TEKTL1: variants seen among roughly 807,000 people sequenced by gnomAD.
TEKTL1 encodes the protein tektin like 1, also known as tektin-like protein 1.
the TEKTL1 span, among the ~76,000 whole-genome samples, chr19:15,012,296 G>A: frequency 6.6e-6 from 1 of 151,824 alleles, no homozygotes; most frequent in East Asian, 1.9e-4. Flanking sequence ...AAGTTTGGTA[G>A]TTTGTGCTTG....
chr19:15,021,032 A>G, the TEKTL1 span, among the ~76,000 whole-genome samples: 1 of 151,666 alleles, frequency 6.6e-6, no homozygotes, highest in Non-Finnish European at 1.5e-5. Flanking sequence ...GGCGCCCACC[A>G]CCACGCCCGG....
the TEKTL1 span, among the ~76,000 whole-genome samples, chr19:15,018,421 T>A: frequency 6.6e-6 from 1 of 151,900 alleles, no homozygotes; most frequent in East Asian, 2.0e-4. Flanking sequence ...TTTAAGACAT[T>A]TCTCTAGCTG....
chr19:15,016,957 A>C, the TEKTL1 span, among the ~76,000 whole-genome samples: 2 of 152,206 alleles, frequency 1.3e-5, no homozygotes, highest in Admixed American at 1.3e-4. Flanking sequence ...CTGTTATCCC[A>C]GCACTTTGGG....
At chr19:15,022,713 C>A in the TEKTL1 span, among the ~76,000 whole-genome samples, 6 of 104,478 alleles carry the variant, frequency 5.7e-5, no homozygotes, top group Admixed American at 4.4e-4. Context: ...CTCAGCCTGC[C>A]CTGTCGCGGT....
chr19:15,020,328 G>T, the TEKTL1 span: 1 of 733,708 alleles, frequency 1.4e-6, no homozygotes, highest in Non-Finnish European at 2.2e-6. Flanking sequence ...AAAAATGAGA[G>T]TGTCAGTTTC....
chr19:15,017,020 A>G, the TEKTL1 span, among the ~76,000 whole-genome samples: 1 of 152,162 alleles, frequency 6.6e-6, no homozygotes, highest in Non-Finnish European at 1.5e-5. Context: ...CAGGAATTTG[A>G]GGCCAGCTTG....
At chr19:15,011,133 C>T in the TEKTL1 span, 1 of 1,528,708 alleles carries the variant, frequency 6.5e-7, no homozygotes, top group Non-Finnish European at 8.8e-7. Flanking sequence ...ATGAAGCCGC[C>T]CGCCTGGTAC....
chr19:15,020,789 C>T, the TEKTL1 span: 1 of 747,316 alleles, frequency 1.3e-6, no homozygotes, highest in Non-Finnish European at 2.2e-6. Context: ...GACTGAAAGC[C>T]TATCATGCTG....
the TEKTL1 span, among the ~76,000 whole-genome samples, chr19:15,012,390 C>T: frequency 1.3e-5 from 2 of 151,950 alleles, no homozygotes; most frequent in Non-Finnish European, 2.9e-5. Context: ...ACAGCAAGAC[C>T]CTCTCTGCAC....
At chr19:15,014,786 A>G in the TEKTL1 span, among the ~76,000 whole-genome samples, 1 of 149,630 alleles carries the variant, frequency 6.7e-6, no homozygotes, top group Non-Finnish European at 1.5e-5. Flanking sequence ...AATACTGCAT[A>G]TCTTCTGGCC....
the TEKTL1 span, chr19:15,021,948 G>A: frequency 2.0e-6 from 3 of 1,521,780 alleles, no homozygotes; most frequent in Non-Finnish European, 2.7e-6. Context: ...ACCCCTCTAG[G>A]CCCAGCCCCG....
At chr19:15,020,730 C>A in the TEKTL1 span, 9 of 1,334,106 alleles carry the variant, frequency 6.7e-6, no homozygotes, top group Non-Finnish European at 9.3e-6. Flanking sequence ...CAGCCCGTCG[C>A]CCACTTAGCT....
At chr19:15,016,244 G>T in the TEKTL1 span, among the ~76,000 whole-genome samples, 1 of 147,212 alleles carries the variant, frequency 6.8e-6, no homozygotes, top group Non-Finnish European at 1.5e-5. Flanking sequence ...GAGTGCAGTG[G>T]CGTGGCGTGA....
chr19:15,011,619 A>G, the TEKTL1 span, among the ~76,000 whole-genome samples: 2 of 151,968 alleles, frequency 1.3e-5, no homozygotes, highest in African/African-American at 4.8e-5. Context: ...CTGTAATCTC[A>G]GCTACTTGGG....
the TEKTL1 span, chr19:15,022,012 T>A: frequency 1.0e-6 from 1 of 995,136 alleles, no homozygotes. Flanking sequence ...GATCCCCCTC[T>A]CACCCAAGTC....
chr19:15,011,734 CAAAAAAAAA>C, the TEKTL1 span, among the ~76,000 whole-genome samples: 1 of 121,782 alleles, frequency 8.2e-6, no homozygotes, highest in African/African-American at 3.0e-5. Flanking sequence ...AACTCCATCT[CAAAAAAAAA>C]AAAAAAAAAT....
At chr19:15,020,380 CCTG>C in the TEKTL1 span, 1 of 1,230,620 alleles carries the variant, frequency 8.1e-7, no homozygotes, top group Non-Finnish European at 1.2e-6. Context: ...AAGGCTCAAG[CCTG>C]CAGCAGAGAA....
At chr19:15,015,908 T>C in the TEKTL1 span, among the ~76,000 whole-genome samples, 2 of 152,180 alleles carry the variant, frequency 1.3e-5, no homozygotes, top group Non-Finnish European at 2.9e-5. Context: ...AGATACCCAT[T>C]TCTCTAGTCC....
the TEKTL1 span, chr19:15,021,293 G>A: frequency 1.4e-5 from 22 of 1,591,994 alleles, no homozygotes; most frequent in Non-Finnish European, 1.6e-5. Flanking sequence ...ATAGAGAGAG[G>A]GACAGGGGCT....
Sources: allele counts gnomAD v4.1 joint callset (sites outside exome capture counted in the v4.1 genomes callset), GRCh38; gene constraint gnomAD v4.1.1; transcripts MANE v1.5; gene names NCBI Gene and HGNC (gene_info 2026-07-23, HGNC 2026-07-21).